Variants in NRG1 observed in about 807,000 individuals in gnomAD.
NRG1 encodes neuregulin 1.
In NRG1, 18 loss-of-function variants were observed where a neutral mutation model predicts 63.8. The observed-to-expected ratio is 0.28, with a 90% CI of 0.19 to 0.42. The LOEUF is 0.42. Among genes scored for constraint, NRG1 ranks in the 10% least tolerant of loss-of-function variants. The pLI, the probability that NRG1 is intolerant of heterozygous loss-of-function variation, is 1.00. For synonymous variants in NRG1, 302 were observed against 301.3 expected (o/e 1.00, Z -0.02); for missense variants, 762 against 814.7 (o/e 0.94, Z 0.79).
chr8:31,643,652 G>A, intron 1 of NRG1, among the ~76,000 whole-genome samples: 1 of 152,340 alleles, frequency 6.6e-6, no homozygotes, highest in East Asian at 1.9e-4. Context: ...TATTTAAAGT[G>A]TTTGTAGTCT....
chr8:31,678,299 A>G (rs1807938012), intron 1 of NRG1, among the ~76,000 whole-genome samples: 1 of 152,120 alleles, frequency 6.6e-6, no homozygotes, highest in South Asian at 2.1e-4. Flanking sequence ...TTAGTAATTC[A>G]TAATTCACAG....
intron 7 of NRG1, among the ~76,000 whole-genome samples, chr8:32,743,586 A>ATATGTTT (rs1033783936): frequency 4.1e-5 from 6 of 145,324 alleles, no homozygotes; most frequent in African/African-American, 1.5e-4. Context: ...ATATATATAT[A>ATATGTTT]TATATATATA....
chr8:32,202,715 G>A (rs10086715), intron 1 of NRG1, among the ~76,000 whole-genome samples: 68,956 of 150,946 alleles, frequency 0.46, 17,258 homozygotes, highest in Admixed American at 0.57. Context: ...CATCGGTCCC[G>A]TAGCTGATTT....
chr8:32,372,156 T>C (rs2881649), intron 1 of NRG1, among the ~76,000 whole-genome samples: 8,772 of 151,988 alleles, frequency 0.058, 324 homozygotes, highest in Middle Eastern at 0.099. Context: ...GCCAGGCTAA[T>C]TTTTGTATTT....
chr8:32,548,082 C>G (rs1833294573), upstream of NRG1: 4 of 430,756 alleles, frequency 9.3e-6, no homozygotes, highest in Admixed American at 1.3e-4. Flanking sequence ...CCGGCAGCCG[C>G]GCCGCCACCC....
chr8:32,731,294 A>G (rs1160205312), intron 6 of NRG1, among the ~76,000 whole-genome samples: 1 of 152,206 alleles, frequency 6.6e-6, no homozygotes, highest in Non-Finnish European at 1.5e-5. Context: ...ATATTTTAAA[A>G]ATCTTGAAGT....
In NRG1 at chr8:32,683,683, T is replaced by C. The variant is rs192527269; in HGVS notation, c.503-44266T>C. On this transcript the variant is annotated intron_variant, in intron 5 of 11. Transcript: ENST00000356819. ...AAGTCTTCCAACCCTTCCTACTTTTTAAGATTAGAAGAAAAGATTCCTCTT... is the reference window on the plus strand; with the variant it reads ...AAGTCTTCCAACCCTTCCTACTTTTCAAGATTAGAAGAAAAGATTCCTCTT... Among the ~76,000 whole-genome samples the C allele has an allele frequency of 3.3e-3, 496 of 152,236 alleles. 2 individuals are homozygous for C. Among genetic ancestry groups the C allele is most frequent in the Non-Finnish European group, 5.1e-3 (347 of 68,006 alleles).
intron 1 of NRG1, among the ~76,000 whole-genome samples, chr8:32,156,442 C>A (rs1838073551): frequency 6.6e-6 from 1 of 152,210 alleles, no homozygotes; most frequent in South Asian, 2.1e-4. Flanking sequence ...TTCTCCTTCA[C>A]CAGAGTGTAA....
chr8:32,749,300 CTCAG>C (rs1273269927), intron 7 of NRG1: 2 of 521,116 alleles, frequency 3.8e-6, no homozygotes, highest in Non-Finnish European at 6.7e-6. Context: ...GAACTTCTCC[CTCAG>C]TAAGGTCTTT....
intron 1 of NRG1, among the ~76,000 whole-genome samples, chr8:32,089,539 C>G (rs1239348367): frequency 6.6e-6 from 1 of 151,866 alleles, no homozygotes; most frequent in East Asian, 1.9e-4. Context: ...TTTTTTCTCT[C>G]TAGGGCAACA....
intron 1 of NRG1, among the ~76,000 whole-genome samples, chr8:31,973,417 T>C (rs1462891): frequency 0.72 from 109,269 of 152,074 alleles, 40,669 homozygotes; most frequent in Non-Finnish European, 0.82. Context: ...GCACCTACCA[T>C]ATGCCACACT....
intron 1 of NRG1, among the ~76,000 whole-genome samples, chr8:32,214,665 G>C (rs1247110180): frequency 6.6e-6 from 1 of 151,186 alleles, no homozygotes; most frequent in African/African-American, 2.4e-5. Context: ...AAAAGAAAGA[G>C]AGAGAGAGAG....
intron 1 of NRG1, among the ~76,000 whole-genome samples, chr8:31,707,679 A>C (rs143664790): frequency 2.0e-3 from 311 of 152,218 alleles, no homozygotes; most frequent in Middle Eastern, 3.4e-3. Context: ...TCATCATATA[A>C]ATCTTGCACA....
intron 5 of NRG1, among the ~76,000 whole-genome samples, chr8:32,661,772 A>G (rs1434090865): frequency 1.3e-5 from 2 of 152,182 alleles, no homozygotes; most frequent in Non-Finnish European, 2.9e-5. Context: ...AGAACAAACA[A>G]AAGAATAATA....
At chr8:31,914,388 G>T (rs1353410413) in intron 1 of NRG1, among the ~76,000 whole-genome samples, 1 of 147,216 alleles carries the variant, frequency 6.8e-6, no homozygotes, top group Admixed American at 6.8e-5. Flanking sequence ...TCCAAATGAA[G>T]AAATTTCCTG....
At chr8:32,170,717 A>C (rs1374922789) in intron 1 of NRG1, among the ~76,000 whole-genome samples, 1 of 152,226 alleles carries the variant, frequency 6.6e-6, no homozygotes, top group African/African-American at 2.4e-5. Context: ...CAAACAAAGA[A>C]GGTTTCATTA....
At chr8:32,099,646 T>G (rs1225285732) in intron 1 of NRG1, 2 of 152,156 alleles carry the variant, frequency 1.3e-5, no homozygotes, top group Non-Finnish European at 2.9e-5. Context: ...ATTTGAAGAT[T>G]GGAAGGTGAG....
At chr8:32,596,436 T>A (rs192212516) in intron 2 of NRG1, among the ~76,000 whole-genome samples, 1 of 151,874 alleles carries the variant, frequency 6.6e-6, no homozygotes, top group African/African-American at 2.4e-5. Flanking sequence ...AAACCCTGTC[T>A]CTACTAAAAA....
chr8:32,335,155 G>C (rs1031997647), intron 1 of NRG1, among the ~76,000 whole-genome samples: 1 of 152,118 alleles, frequency 6.6e-6, no homozygotes, highest in African/African-American at 2.4e-5. Flanking sequence ...TTTTGGAAAT[G>C]CTCCGTAGAT....
Sources: allele counts gnomAD v4.1 joint callset (sites outside exome capture counted in the v4.1 genomes callset), GRCh38; gene constraint gnomAD v4.1.1; transcripts MANE v1.5; gene names NCBI Gene and HGNC (gene_info 2026-07-23, HGNC 2026-07-21).